Variants in DCHS2 observed in about 807,000 individuals in gnomAD.
The protein encoded by DCHS2 is protocadherin-23.
In DCHS2, 142 loss-of-function variants were observed where a neutral mutation model predicts 182.4. The ratio of observed to expected loss-of-function variants is 0.78; its 90% CI spans 0.68 to 0.89. DCHS2 has a LOEUF of 0.89. DCHS2 is among the 40% of genes least tolerant of loss of function. The pLI, the probability that DCHS2 is intolerant of heterozygous loss-of-function variation, is 0.00. For missense variants in DCHS2, 4,319 were observed against 4,198.6 expected (o/e 1.03, Z -0.79); for synonymous variants, 1,740 against 1,663.3 (o/e 1.05, Z -1.12).
chr4:154,412,344 T>C (rs2110894380), intron 1 of DCHS2, among the ~76,000 whole-genome samples: 1 of 152,166 alleles, frequency 6.6e-6, no homozygotes, highest in Non-Finnish European at 1.5e-5. Flanking sequence ...TTTCAGCATG[T>C]CCTCAAGCTG....
At chr4:154,416,348 C>CA (rs1732832615) in intron 1 of DCHS2, among the ~76,000 whole-genome samples, 1 of 152,226 alleles carries the variant, frequency 6.6e-6, no homozygotes, top group Non-Finnish European at 1.5e-5. Context: ...ACAGCGCCCC[C>CA]ACCTCGCATC....
At chr4:154,341,925 TA>T (rs557761456) in intron 3 of DCHS2, among the ~76,000 whole-genome samples, 3,732 of 152,172 alleles carry the variant, frequency 0.025, 76 homozygotes, top group African/African-American at 0.045. Flanking sequence ...TTTATTTTTT[TA>T]ATTAAATGAA....
At chr4:154,460,880 A>C (rs1347399764) in intron 1 of DCHS2, among the ~76,000 whole-genome samples, 4 of 152,200 alleles carry the variant, frequency 2.6e-5, no homozygotes, top group Non-Finnish European at 5.9e-5. Context: ...TAGCAGGGTA[A>C]AATATCTACA....
intron 9 of DCHS2, 123 bp from the exon 10 acceptor site, chr4:154,316,110 G>A: frequency 7.0e-7 from 1 of 1,429,768 alleles, no homozygotes; most frequent in Non-Finnish European, 9.3e-7. Context: ...GCTAAAATAT[G>A]AACTGCATTA....
chr4:154,387,240 G>A (rs1268487925), intron 1 of DCHS2, among the ~76,000 whole-genome samples: 1 of 152,122 alleles, frequency 6.6e-6, no homozygotes, highest in African/African-American at 2.4e-5. Flanking sequence ...CCTCAAAAAA[G>A]CAGTCTAAGG....
intron 2 of DCHS2, among the ~76,000 whole-genome samples, chr4:154,371,065 G>T (rs1461359120): frequency 6.6e-6 from 1 of 152,148 alleles, no homozygotes; most frequent in East Asian, 1.9e-4. Flanking sequence ...AGAAAGTCAA[G>T]GAACTGAGAG....
chr4:154,237,281 C>T, intron 19 of DCHS2, 122 bp from the exon 20 acceptor site: 1 of 1,271,976 alleles, frequency 7.9e-7, no homozygotes, highest in Non-Finnish European at 1.0e-6. Flanking sequence ...TCTGTTAAGT[C>T]ACAATGAACA....
intron 14 of DCHS2, among the ~76,000 whole-genome samples, chr4:154,265,898 C>G (rs1240002443): frequency 6.6e-6 from 1 of 152,128 alleles, no homozygotes; most frequent in African/African-American, 2.4e-5. Flanking sequence ...ATGTTTGAAA[C>G]TGTGGATGGT....
At chr4:154,417,158 AGTGTGTGTGTGTGT>A (rs778940410) in intron 1 of DCHS2, among the ~76,000 whole-genome samples, 147 of 79,986 alleles carry the variant, frequency 1.8e-3, no homozygotes, top group South Asian at 2.8e-3. Context: ...GCCGGTCCCG[AGTGTGTGTGTGTGT>A]GTGTGTGTGT....
At position 154,417,074 on chromosome 4, in the gene DCHS2, G is replaced by T. The variant is rs369354464; in HGVS notation, c.2053-39630C>A. ...ACAACCACAGGATCGCGGCGGGGTC[G>T]CCCTCTGTGAGAAGCCACACAAACG... On this transcript the variant is annotated intron_variant, in intron 1 of 19. Transcript: ENST00000357232. Among the ~76,000 whole-genome samples, 7 of 152,042 alleles carry T rather than the reference G, an allele frequency of 4.6e-5. No individual in the cohort carries two copies. In the East Asian group the frequency reaches 1.4e-3, roughly 30 times the overall value.
Position 154,267,406 on chromosome 4 carries a change from A to G in DCHS2, c.6577+2494T>C, listed in dbSNP as rs79602004. 2.7e-3 allele frequency among the ~76,000 whole-genome samples: 414 copies of G among 152,294 alleles called. 4 individuals are homozygous for G. The highest frequency in any genetic ancestry group is 9.4e-3 in the African/African-American group (391 of 41,568). ...TTGTCTAATATTAACAGAACTTTGA[A>G]TTCCAACCTTTCCTCATCCAAGTAT... On this transcript the variant is annotated intron_variant, in intron 14 of 19. Coordinates refer to ENST00000357232, the MANE Select transcript of DCHS2 (RefSeq NM_001358235.2).
intron 1 of DCHS2, among the ~76,000 whole-genome samples, chr4:154,383,379 G>A (rs1047850642): frequency 1.3e-5 from 2 of 152,128 alleles, no homozygotes; most frequent in Non-Finnish European, 2.9e-5. Context: ...CTCATTGCCT[G>A]GGCGATGGGA....
chr4:154,240,273 T>C (rs1456307522), intron 18 of DCHS2, among the ~76,000 whole-genome samples: 2 of 150,402 alleles, frequency 1.3e-5, no homozygotes, highest in Non-Finnish European at 2.9e-5. Flanking sequence ...AGGTTCCAAT[T>C]GTCATGACAA....
intron 13 of DCHS2, among the ~76,000 whole-genome samples, chr4:154,296,430 C>G (rs1734927898): frequency 6.6e-6 from 1 of 152,122 alleles, no homozygotes; most frequent in South Asian, 2.1e-4. Context: ...CTGTGTCTTA[C>G]CAGAAATTCT....
At chr4:154,361,048 A>G (rs1293127538) in intron 3 of DCHS2, among the ~76,000 whole-genome samples, 4 of 152,168 alleles carry the variant, frequency 2.6e-5, no homozygotes, top group Non-Finnish European at 4.4e-5. Context: ...ACTGGCTTCC[A>G]TTTATTCCTT....
At chr4:154,292,919 G>C (rs549742003) in intron 13 of DCHS2, among the ~76,000 whole-genome samples, 16 of 152,216 alleles carry the variant, frequency 1.1e-4, no homozygotes, top group African/African-American at 3.9e-4. Flanking sequence ...TGACCGCCCC[G>C]TTTCTTAAAT....
At chr4:154,403,499 C>T (rs185782513) in intron 1 of DCHS2, among the ~76,000 whole-genome samples, 5 of 152,060 alleles carry the variant, frequency 3.3e-5, no homozygotes, top group South Asian at 4.2e-4. Flanking sequence ...GGATAAACTC[C>T]GCCTGGTTTT....
chr4:154,297,821 A>G, intron 13 of DCHS2, 30 bp downstream of exon 13: 1 of 1,582,196 alleles, frequency 6.3e-7, no homozygotes, highest in Admixed American at 1.8e-5. Flanking sequence ...AAACAGGTAC[A>G]ATATATGAAA....
Position 154,438,998 on chromosome 4 carries a change from A to T in DCHS2, c.2052+50306T>A, listed in dbSNP as rs1579083675. Among the ~76,000 whole-genome samples the T allele has an allele frequency of 2.0e-5, 3 of 152,316 alleles. No individual in the cohort carries two copies. In the South Asian group the frequency reaches 6.2e-4, roughly 32 times the overall value. On this transcript the variant is annotated intron_variant, in intron 1 of 19. Coordinates refer to ENST00000357232, the MANE Select transcript of DCHS2 (RefSeq NM_001358235.2). ...GGCTTTGTTATGTTTTGCATAAACA[A>T]GATTGTACTATGTATTTTCTTTATG...
Sources: allele counts gnomAD v4.1 joint callset (sites outside exome capture counted in the v4.1 genomes callset), GRCh38; gene constraint gnomAD v4.1.1; transcripts MANE v1.5; gene names NCBI Gene and HGNC (gene_info 2026-07-23, HGNC 2026-07-21).